The following EYS variants were observed in gnomAD, a reference collection of about 807,000 sequenced individuals.
EYS encodes the protein EGF-like photoreceptor maintenance factor, also known as protein eyes shut homolog.
Under a neutral mutation model 282.1 loss-of-function variants are expected in EYS, and 250 were observed. The observed-to-expected ratio is 0.89, with a 90% CI of 0.80 to 0.98. EYS has a LOEUF of 0.98. Ranked by LOEUF, EYS falls within the 50% of genes least tolerant of loss-of-function variation. EYS has a pLI of 0.00. For synonymous variants in EYS, 1,355 were observed against 1,282.9 expected (o/e 1.06, Z -1.20); for missense variants, 4,016 against 3,709.0 (o/e 1.08, Z -2.15).
At chr6:64,056,637 C>T (rs1770995007) in intron 33 of EYS, among the ~76,000 whole-genome samples, 1 of 152,144 alleles carries the variant, frequency 6.6e-6, no homozygotes, top group African/African-American at 2.4e-5. Context: ...CTGCTATTAC[C>T]ACGCAAACAG....
Position 63,851,777 on chromosome 6 carries a change from A to T in EYS, c.7228+12409T>A, listed in dbSNP as rs186663401. Among the ~76,000 whole-genome samples, 4 of 152,290 alleles carry T rather than the reference A, an allele frequency of 2.6e-5. No homozygotes were observed. In the East Asian group the frequency reaches 7.7e-4, roughly 29 times the overall value. ...TTTAAAGAACTAGAGAAGCAACAGC[A>T]AACAAATTCAAAAGCTAGCAGAAGA... On this transcript the variant is annotated intron_variant, in intron 36 of 42. Coordinates refer to ENST00000503581, the MANE Select transcript of EYS (RefSeq NM_001142800.2).
At chr6:63,950,909 G>T (rs1004796969) in intron 35 of EYS, among the ~76,000 whole-genome samples, 1 of 152,034 alleles carries the variant, frequency 6.6e-6, no homozygotes, top group African/African-American at 2.4e-5. Context: ...AAACTCCGGC[G>T]CCTGTCACAT....
chr6:64,120,330 T>C (rs943503027), intron 31 of EYS, among the ~76,000 whole-genome samples: 26 of 129,312 alleles, frequency 2.0e-4, no homozygotes, highest in Non-Finnish European at 2.8e-4. Context: ...CACTCCAGCC[T>C]GGGTGACAGA....
intron 24 of EYS, among the ~76,000 whole-genome samples, chr6:64,600,128 C>T (rs1360926716): frequency 6.6e-6 from 1 of 152,080 alleles, no homozygotes. Context: ...CTTCAGGTGA[C>T]TTGTTCCTCT....
intron 7 of EYS, among the ~76,000 whole-genome samples, chr6:65,386,364 T>C (rs188122181): frequency 5.3e-4 from 80 of 151,806 alleles, no homozygotes; most frequent in South Asian, 2.1e-3. Context: ...GACCCAAGTT[T>C]ACCTATGTAA....
intron 1 of EYS, among the ~76,000 whole-genome samples, chr6:65,656,151 G>A (rs1433754914): frequency 6.6e-6 from 1 of 151,718 alleles, no homozygotes; most frequent in Non-Finnish European, 1.5e-5. Flanking sequence ...TCCACCCACT[G>A]GCGATTCCCT....
chr6:63,821,902 C>A (rs1019556793), intron 36 of EYS: 1 of 152,220 alleles, frequency 6.6e-6, no homozygotes, highest in Non-Finnish European at 1.5e-5. Flanking sequence ...GGATGGATGA[C>A]TGAATGCCAA....
At chr6:64,950,871 A>G (rs1364526321) in intron 14 of EYS, among the ~76,000 whole-genome samples, 2 of 142,654 alleles carry the variant, frequency 1.4e-5, no homozygotes, top group Non-Finnish European at 3.0e-5. Context: ...AGTTGACTAG[A>G]TCTTCTAAAG....
At chr6:64,647,189 T>G (rs1292340967) in intron 22 of EYS, among the ~76,000 whole-genome samples, 3 of 152,210 alleles carry the variant, frequency 2.0e-5, no homozygotes, top group Non-Finnish European at 4.4e-5. Flanking sequence ...AAATTCTTCA[T>G]ATCATGCCTA....
chr6:64,866,122 C>T (rs1766418591), intron 19 of EYS, among the ~76,000 whole-genome samples: 1 of 151,890 alleles, frequency 6.6e-6, no homozygotes, highest in African/African-American at 2.4e-5. Flanking sequence ...ATTTAGCAAT[C>T]TGCTTAAACT....
chr6:64,255,518 CAA>C (rs1474439006), intron 30 of EYS, among the ~76,000 whole-genome samples: 1 of 151,944 alleles, frequency 6.6e-6, no homozygotes. Context: ...TTATTTTTGA[CAA>C]ACTGTGCCTT....
At chr6:65,382,213 G>GTTTTTTT (rs67123749) in intron 8 of EYS, among the ~76,000 whole-genome samples, 1 of 105,012 alleles carries the variant, frequency 9.5e-6, no homozygotes, top group African/African-American at 3.7e-5. Flanking sequence ...ATCCTTTGGT[G>GTTTTTTT]TTTTTTTTTT....
chr6:65,438,832 T>C (rs1009118485), intron 5 of EYS, among the ~76,000 whole-genome samples: 1 of 152,208 alleles, frequency 6.6e-6, no homozygotes, highest in African/African-American at 2.4e-5. Context: ...GTAGTTTCTT[T>C]TGCTGTGCAG....
intron 30 of EYS, among the ~76,000 whole-genome samples, chr6:64,260,168 C>T (rs1677720994): frequency 6.6e-6 from 1 of 151,662 alleles, no homozygotes; most frequent in African/African-American, 2.4e-5. Context: ...TTCTTTTACC[C>T]TGCTATTTGC....
At chr6:64,214,441 C>T (rs1765870346) in intron 31 of EYS, among the ~76,000 whole-genome samples, 1 of 152,074 alleles carries the variant, frequency 6.6e-6, no homozygotes, top group Admixed American at 6.6e-5. Context: ...AGCCATAGAA[C>T]ATTTCATTAA....
chr6:64,461,753 T>C (rs1775758078), intron 26 of EYS, among the ~76,000 whole-genome samples: 1 of 152,184 alleles, frequency 6.6e-6, no homozygotes, highest in Non-Finnish European at 1.5e-5. Context: ...CTCATTACTT[T>C]ATAGTTGTGT....
chr6:64,483,105 T>C (rs1385696647), intron 26 of EYS, among the ~76,000 whole-genome samples: 3 of 151,720 alleles, frequency 2.0e-5, no homozygotes, highest in African/African-American at 7.2e-5. Flanking sequence ...AAGGGCCAGA[T>C]AGTAAATATT....
chr6:65,537,213 G>A (rs1302809428), intron 2 of EYS, among the ~76,000 whole-genome samples: 3 of 152,038 alleles, frequency 2.0e-5, no homozygotes, highest in Admixed American at 6.6e-5. Context: ...AGGGGGCAAG[G>A]GGATGAATAG....
At chr6:65,696,017 T>G (rs1769442923) in intron 1 of EYS, among the ~76,000 whole-genome samples, 1 of 151,990 alleles carries the variant, frequency 6.6e-6, no homozygotes, top group Non-Finnish European at 1.5e-5. Context: ...GAGGGAATGA[T>G]CTAGCTTGTT....
Sources: gnomAD v4.1 joint callset for allele counts (sites outside exome capture counted in the v4.1 genomes callset) on GRCh38, gnomAD v4.1.1 for gene constraint, MANE v1.5 for transcripts, NCBI Gene and HGNC (gene_info 2026-07-23, HGNC 2026-07-21) for gene names.